The following TMEM50A variants were observed in gnomAD, a reference collection of about 807,000 sequenced individuals.
TMEM50A encodes transmembrane protein 50A, also known as cervical cancer oncogene 9.
TMEM50A carries 8 observed loss-of-function variants against 23.9 expected under a neutral mutation model. The observed-to-expected ratio is 0.33, with a 90% CI of 0.20 to 0.60. TMEM50A has a LOEUF of 0.60. Among genes scored for constraint, TMEM50A ranks in the 20% least tolerant of loss-of-function variants. TMEM50A has a pLI of 0.81. For synonymous variants in TMEM50A, 55 were observed against 60.4 expected, an observed-to-expected ratio of 0.91 and a Z score of 0.41; for missense variants, 178 against 192.7, an observed-to-expected ratio of 0.92 and a Z score of 0.45.
At chr1:25,339,999 C>T (rs1180306666) in intron 1 of TMEM50A, among the ~76,000 whole-genome samples, 1 of 152,264 alleles carries the variant, frequency 6.6e-6, no homozygotes, top group Non-Finnish European at 1.5e-5. Context: ...TGCAGTGGCA[C>T]GATCTCGGCT....
At position 25,343,076 on chromosome 1, in the gene TMEM50A, A is replaced by C; in HGVS notation, c.206+3A>C. On this transcript the variant is annotated splice_donor_region_variant and intron_variant, in intron 3 of 6. Transcript: ENST00000374358. ...ATAGCAACCATAGCCTTCCTAATGT[A>C]AGTGTCATCGTAATTGGCATTACTT... The C allele has an allele frequency of 1.9e-6, 3 of 1,601,984 alleles. No individual in the cohort carries two copies. The highest frequency in any genetic ancestry group is 2.6e-6 in the Non-Finnish European group (3 of 1,174,618).
At chr1:25,348,116 A>G (rs1189349022) in intron 3 of TMEM50A, among the ~76,000 whole-genome samples, 1 of 152,224 alleles carries the variant, frequency 6.6e-6, no homozygotes, top group Non-Finnish European at 1.5e-5. Context: ...TTGCATTAAC[A>G]TAATTATAGC....
At position 25,357,981 on chromosome 1, in the gene TMEM50A, T is replaced by A. The variant is rs1571808374; in HGVS notation, c.428+1128T>A. ...TTTTTTTTTTTAGAGGGAGTCTCAC[T>A]CTGTCGCCCAGGCTGGAATGCAGTG... On this transcript the variant is annotated intron_variant, in intron 6 of 6. Transcript: ENST00000374358. Among the ~76,000 whole-genome samples, 3 of 142,070 alleles carry A rather than the reference T, an allele frequency of 2.1e-5. No homozygotes were observed. In the Middle Eastern group the frequency reaches 0.012, roughly 555 times the overall value. The allele number at this position is 142,070 out of a possible 152,430, so 93.2% of individuals were successfully genotyped here.
rs1645421658 is a variant in TMEM50A, at chr1:25,362,299, A to C, written c.*1594A>C. Reference sequence around the variant, plus strand: ...TGTGTCTGTAACCAAGAAAATATTGATAGCATCATCCTAATGAAACTAAAC... The same window carrying C: ...TGTGTCTGTAACCAAGAAAATATTGCTAGCATCATCCTAATGAAACTAAAC... On this transcript the variant is annotated 3_prime_UTR_variant, in exon 7 of 7. Transcript: ENST00000374358. The C allele has an allele frequency of 1.1e-6, 1 of 950,616 alleles. No homozygotes were observed. The highest frequency in any genetic ancestry group is 2.8e-5 in the Admixed American group (1 of 35,560). The allele number at this position is 950,616 out of a possible 1,614,324, so 58.9% of individuals were successfully genotyped here. A position where few individuals can be genotyped will look rare whatever the true frequency, so the allele number is the denominator to read the frequency against.
At chr1:25,341,350 C>T (rs531527299) in intron 2 of TMEM50A, among the ~76,000 whole-genome samples, 8 of 152,170 alleles carry the variant, frequency 5.3e-5, no homozygotes, top group Non-Finnish European at 1.0e-4. Flanking sequence ...CTCCGCTTCC[C>T]GGGGTTCACG....
At chr1:25,354,905 G>GGGATTACAGGCGCCTGCC (rs1645317678) in intron 5 of TMEM50A, among the ~76,000 whole-genome samples, 1 of 151,860 alleles carries the variant, frequency 6.6e-6, no homozygotes, top group Non-Finnish European at 1.5e-5. Context: ...CCAAGTAGCT[G>GGGATTACAGGCGCCTGCC]GGATTACAGG....
intron 3 of TMEM50A, among the ~76,000 whole-genome samples, chr1:25,344,624 C>G (rs1234824812): frequency 6.6e-6 from 1 of 151,968 alleles, no homozygotes; most frequent in Non-Finnish European, 1.5e-5. Flanking sequence ...AAGCGATCCA[C>G]CTGCCTTGGC....
At chr1:25,354,516 G>A (rs745884211) in intron 5 of TMEM50A, among the ~76,000 whole-genome samples, 6 of 152,070 alleles carry the variant, frequency 3.9e-5, no homozygotes, top group Non-Finnish European at 8.8e-5. Flanking sequence ...GGAGACTGAC[G>A]TGAGAGGATC....
chr1:25,340,401 TATTA>T (rs1484523511), intron 1 of TMEM50A, 69 bp from the exon 2 acceptor site: 12 of 943,188 alleles, frequency 1.3e-5, no homozygotes, highest in Admixed American at 2.2e-5. Flanking sequence ...ATTCCTGAGC[TATTA>T]ATTATTTTTC....
chr1:25,348,033 T>C (rs1645236897), intron 3 of TMEM50A, among the ~76,000 whole-genome samples: 1 of 152,228 alleles, frequency 6.6e-6, no homozygotes, highest in African/African-American at 2.4e-5. Context: ...AGTCTGACTA[T>C]GGAGGGGAAT....
In TMEM50A at chr1:25,360,979, G is replaced by T. The variant is rs1645395371; in HGVS notation, c.*274G>T. On this transcript the variant is annotated 3_prime_UTR_variant, in exon 7 of 7. Coordinates refer to ENST00000374358, the MANE Select transcript of TMEM50A (RefSeq NM_014313.4). ...ATGGTATAATTTGTAAAAATAAAAA[G>T]AAATTACAAAAGAAATTATGGATTT... 1 of 338,130 alleles carries T rather than the reference G, an allele frequency of 3.0e-6. No individual in the cohort carries two copies. Among genetic ancestry groups the T allele is most frequent in the Admixed American group, 4.4e-5 (1 of 22,594 alleles). 20.9% of individuals were successfully genotyped at this position (338,130 alleles called of 1,614,324 possible).
intron 3 of TMEM50A, among the ~76,000 whole-genome samples, chr1:25,345,896 T>TC: frequency 6.6e-6 from 1 of 151,938 alleles, no homozygotes. Flanking sequence ...CAATTGATTC[T>TC]CCTGCATCAG....
chr1:25,358,097 G>C (rs1645355492), intron 6 of TMEM50A, among the ~76,000 whole-genome samples: 1 of 151,810 alleles, frequency 6.6e-6, no homozygotes. Flanking sequence ...ACAGGCACCT[G>C]CCAGCACGCC....
rs1331383310 is a variant in TMEM50A, at chr1:25,362,346, T to C, written c.*1641T>C. ...AAACATTTATTTTAAACTTATTAAA[T>C]TGACTCTTAAACTAAGTTTTTAGTC... is the stretch of plus-strand genomic sequence containing the variant. On this transcript the variant is annotated 3_prime_UTR_variant, in exon 7 of 7. Transcript: ENST00000374358. 17 of 1,353,950 alleles carry C rather than the reference T, an allele frequency of 1.3e-5. No homozygotes were observed. The highest frequency in any genetic ancestry group is 1.0e-6 in the Non-Finnish European group (1 of 982,932). The allele number at this position is 1,353,950 out of a possible 1,614,324, so 83.9% of individuals were successfully genotyped here.
Position 25,360,916 on chromosome 1 carries a change from G to A in TMEM50A, c.*211G>A. On this transcript the variant is annotated 3_prime_UTR_variant, in exon 7 of 7. Transcript: ENST00000374358. Reference sequence around the variant, plus strand: ...CTTGATTAACTTATAAAATGTTAGAGGAAACTTTCACATGAATAATTTTTG... The same window carrying A: ...CTTGATTAACTTATAAAATGTTAGAAGAAACTTTCACATGAATAATTTTTG... The A allele has an allele frequency of 2.5e-6, 1 of 403,880 alleles. No individual in the cohort carries two copies. The highest frequency in any genetic ancestry group is 4.4e-6 in the Non-Finnish European group (1 of 228,066). 25.0% of individuals were successfully genotyped at this position (403,880 alleles called of 1,614,324 possible). A position where few individuals can be genotyped will look rare whatever the true frequency, so the allele number is the denominator to read the frequency against.
chr1:25,357,781 G>A (rs1383509664), intron 6 of TMEM50A, among the ~76,000 whole-genome samples: 2 of 151,732 alleles, frequency 1.3e-5, no homozygotes, highest in African/African-American at 4.8e-5. Flanking sequence ...GGGACTACAG[G>A]CACACGCCAC....
chr1:25,345,234 G>A (rs936236278), intron 3 of TMEM50A, among the ~76,000 whole-genome samples: 2 of 152,002 alleles, frequency 1.3e-5, no homozygotes, highest in South Asian at 2.1e-4. Flanking sequence ...CACCTGAGGT[G>A]AGGAATTTGA....
At chr1:25,342,842 G>T in intron 2 of TMEM50A, 119 bp from the exon 3 acceptor site, 1 of 696,460 alleles carries the variant, frequency 1.4e-6, no homozygotes, top group Non-Finnish European at 2.3e-6. Context: ...TTACATGTGG[G>T]AAAAAGCTAG....
intron 4 of TMEM50A, 125 bp downstream of exon 4, chr1:25,351,818 C>A (rs1425907599): frequency 2.5e-6 from 2 of 806,624 alleles, no homozygotes. Context: ...TATTTTGAAT[C>A]TATTGTTTTA....
Sources: allele counts gnomAD v4.1 joint callset (sites outside exome capture counted in the v4.1 genomes callset), GRCh38; gene constraint gnomAD v4.1.1; transcripts MANE v1.5; gene names NCBI Gene and HGNC (gene_info 2026-07-23, HGNC 2026-07-21).